ITGA8: variants seen among roughly 807,000 people sequenced by gnomAD.
ITGA8 encodes the protein integrin subunit alpha 8.
A neutral mutation model predicts 142.3 loss-of-function variants in ITGA8; 91 were observed. The observed-to-expected ratio is 0.64, with a 90% CI of 0.54 to 0.76. ITGA8 has a LOEUF of 0.76. Among genes scored for constraint, ITGA8 ranks in the 30% least tolerant of loss-of-function variants. The probability of loss-of-function intolerance (pLI) is 0.00; values close to 1 mark genes in which losing one functional copy is unlikely to be tolerated. For synonymous variants in ITGA8, 505 were observed against 485.2 expected, an observed-to-expected ratio of 1.04 and a Z score of -0.54; for missense variants, 1,406 against 1,327.7, an observed-to-expected ratio of 1.06 and a Z score of -0.92.
intron 15 of ITGA8, among the ~76,000 whole-genome samples, chr10:15,609,341 C>G (rs985465920): frequency 1.3e-5 from 2 of 152,102 alleles, no homozygotes; most frequent in African/African-American, 2.4e-5. Context: ...CAGTAAAATA[C>G]TATAGTATGA....
In ITGA8 at chr10:15,526,039, T is replaced by G. The variant is rs185100491; in HGVS notation, c.2982+5011A>C. 2.4e-3 allele frequency among the ~76,000 whole-genome samples: 369 copies of G among 152,264 alleles called. 2 individuals carry two copies. The highest frequency in any genetic ancestry group is 8.3e-3 in the African/African-American group (343 of 41,554). On this transcript the variant is annotated intron_variant, in intron 28 of 29. Coordinates refer to ENST00000378076, the MANE Select transcript of ITGA8 (RefSeq NM_003638.3). The stretch of plus-strand genomic sequence containing the variant: ...GTTTTTAAGTTTACATTGAAATGTG[T>G]GAAAATGAAATAAAACCACAAGTTC...
intron 13 of ITGA8, among the ~76,000 whole-genome samples, chr10:15,617,336 C>A (rs1833412115): frequency 6.6e-6 from 1 of 151,530 alleles, no homozygotes; most frequent in Admixed American, 6.6e-5. Flanking sequence ...CAATCCTGGA[C>A]TAGGTAAGGG....
intron 25 of ITGA8, among the ~76,000 whole-genome samples, chr10:15,570,139 C>A (rs1834151146): frequency 6.6e-6 from 1 of 152,074 alleles, no homozygotes; most frequent in East Asian, 1.9e-4. Flanking sequence ...TTTAGAATTT[C>A]AAAAATTCAC....
At chr10:15,628,863 A>T (rs1833634993) in intron 13 of ITGA8, among the ~76,000 whole-genome samples, 1 of 152,012 alleles carries the variant, frequency 6.6e-6, no homozygotes, top group Non-Finnish European at 1.5e-5. Flanking sequence ...GTATCAAAAA[A>T]TTTAAAAATT....
At chr10:15,591,854 T>C (rs958015966) in intron 22 of ITGA8, among the ~76,000 whole-genome samples, 1 of 152,204 alleles carries the variant, frequency 6.6e-6, no homozygotes, top group Non-Finnish European at 1.5e-5. Flanking sequence ...GCAAAATCTA[T>C]GCTTTTTCTT....
rs191021145 is a variant in ITGA8 at position 15,701,301 on chromosome 10, C to T, written c.344-13263G>A. On this transcript the variant is annotated intron_variant, in intron 2 of 29. Transcript: ENST00000378076. ...ATTTTCATGGAGTATATTTCTGAAT[C>T]GTTTGAGCCTTTACCATGAGTATTA... Among the ~76,000 whole-genome samples the T allele has an allele frequency of 2.6e-4, 40 of 152,200 alleles. 1 individual carries two copies. The highest frequency in any genetic ancestry group is 8.7e-4 in the African/African-American group (36 of 41,536).
chr10:15,615,756 C>T (rs760109288), intron 14 of ITGA8, among the ~76,000 whole-genome samples: 3 of 152,086 alleles, frequency 2.0e-5, no homozygotes, highest in East Asian at 1.9e-4. Context: ...TCAAGTGATC[C>T]GCCCACCTCG....
intron 2 of ITGA8, among the ~76,000 whole-genome samples, chr10:15,690,306 C>T (rs944908333): frequency 1.3e-5 from 2 of 152,164 alleles, no homozygotes; most frequent in African/African-American, 4.8e-5. Context: ...GCTCCAGAAC[C>T]TGAATTGCAG....
intron 23 of ITGA8, among the ~76,000 whole-genome samples, chr10:15,581,282 G>T (rs1834402374): frequency 6.6e-6 from 1 of 152,132 alleles, no homozygotes; most frequent in South Asian, 2.1e-4. Flanking sequence ...CTGAGGCTTG[G>T]GTGAGCTTCC....
At chr10:15,533,099 A>G (rs1029653724) in intron 27 of ITGA8, among the ~76,000 whole-genome samples, 1 of 152,142 alleles carries the variant, frequency 6.6e-6, no homozygotes, top group African/African-American at 2.4e-5. Context: ...ACTGTCTATA[A>G]TCCAATGTTG....
At chr10:15,717,089 T>C (rs1835468556) in intron 2 of ITGA8, among the ~76,000 whole-genome samples, 1 of 152,226 alleles carries the variant, frequency 6.6e-6, no homozygotes. Context: ...GGATGAGTAC[T>C]TACAAAGTAA....
At chr10:15,531,620 G>A (rs1283751097) in intron 27 of ITGA8, among the ~76,000 whole-genome samples, 4 of 152,136 alleles carry the variant, frequency 2.6e-5, no homozygotes, top group Non-Finnish European at 4.4e-5. Context: ...AATATTTTAG[G>A]AGAGAAACTG....
chr10:15,592,374 T>A, intron 21 of ITGA8, 70 bp from the exon 22 acceptor site: 1 of 1,130,304 alleles, frequency 8.8e-7, no homozygotes, highest in Admixed American at 2.0e-5. Context: ...AAGTCATTCC[T>A]GCAAAACCCC....
intron 2 of ITGA8, among the ~76,000 whole-genome samples, chr10:15,705,303 C>T (rs928547090): frequency 6.6e-6 from 1 of 152,226 alleles, no homozygotes; most frequent in African/African-American, 2.4e-5. Flanking sequence ...TTGACCTCCT[C>T]AACCTCAGAT....
chr10:15,709,876 A>G (rs1042766848), intron 2 of ITGA8, among the ~76,000 whole-genome samples: 3 of 152,152 alleles, frequency 2.0e-5, no homozygotes, highest in Admixed American at 6.5e-5. Context: ...AATACCCTTG[A>G]TCTTTAGTAT....
intron 2 of ITGA8, among the ~76,000 whole-genome samples, chr10:15,692,029 C>G (rs1834944935): frequency 6.6e-6 from 1 of 152,128 alleles, no homozygotes; most frequent in Admixed American, 6.5e-5. Context: ...CTCGACTTCT[C>G]TGGGCTCAAG....
rs752126323 is a variant in ITGA8, at chr10:15,616,547, C to T, written c.1412G>A (p.Gly471Asp). The T allele has an allele frequency of 1.2e-6, 2 of 1,612,020 alleles. No individual in the cohort carries two copies. The highest frequency in any genetic ancestry group is 1.7e-5 in the Admixed American group (1 of 60,024). ...AGCGACTTTTCCTGTTCCAAATGCA[C>T]CCACAATCAAATCTTAAAAAGACAA... ...DKNDYPDLIV[G>D]AFGTGKVAVY... Residue 471 changes from glycine to aspartate, a missense_variant, in exon 14 of 30, where the codon GGT becomes GAT. By Grantham distance (94) the Gly-to-Asp change is moderately conservative (BLOSUM62 -1). Transcript: ENST00000378076.
chr10:15,519,519 G>T, intron 28 of ITGA8, 107 bp from the exon 29 acceptor site: 2 of 1,211,600 alleles, frequency 1.7e-6, no homozygotes, highest in South Asian at 1.3e-5. Flanking sequence ...GGATCCATAT[G>T]ACAATTGAAA....
At chr10:15,529,266 T>C (rs1402926653) in intron 28 of ITGA8, among the ~76,000 whole-genome samples, 2 of 152,222 alleles carry the variant, frequency 1.3e-5, no homozygotes, top group African/African-American at 4.8e-5. Flanking sequence ...AGGGGAGACA[T>C]TTTGAGAGGC....
Sources: gnomAD v4.1 joint callset for allele counts (sites outside exome capture counted in the v4.1 genomes callset) on GRCh38, gnomAD v4.1.1 for gene constraint, MANE v1.5 for transcripts, NCBI Gene and HGNC (gene_info 2026-07-23, HGNC 2026-07-21) for gene names.